Variants in ZMYM5 observed in about 807,000 individuals in gnomAD.
ZMYM5 encodes zinc finger MYM-type containing 5, also known as zinc finger MYM-type protein 5.
ZMYM5 carries 41 observed loss-of-function variants against 61.8 expected under a neutral mutation model. The observed-to-expected ratio is 0.66, with a 90% CI of 0.52 to 0.86. ZMYM5 has a LOEUF of 0.86. Ranked by LOEUF, ZMYM5 falls within the 40% of genes least tolerant of loss-of-function variation. The pLI, the probability that ZMYM5 is intolerant of heterozygous loss-of-function variation, is 0.00. For synonymous variants in ZMYM5, 257 were observed against 276.4 expected (o/e 0.93, Z 0.70); for missense variants, 706 against 786.7 (o/e 0.90, Z 1.23).
At chr13:19,860,910 C>T (rs1046525540) in intron 2 of ZMYM5, among the ~76,000 whole-genome samples, 35 of 148,842 alleles carry the variant, frequency 2.4e-4, no homozygotes, top group Non-Finnish European at 3.7e-4. Flanking sequence ...GTATCTCCCA[C>T]TAACTATATG....
At chr13:19,837,389 T>G (rs1343550615) in intron 6 of ZMYM5, 2 of 1,434,062 alleles carry the variant, frequency 1.4e-6, no homozygotes, top group Non-Finnish European at 1.8e-6. Context: ...TCATCAGTAA[T>G]AACAAAATCC....
intron 6 of ZMYM5, among the ~76,000 whole-genome samples, chr13:19,836,448 CT>C (rs1008828289): frequency 6.6e-5 from 10 of 151,338 alleles, no homozygotes; most frequent in East Asian, 1.9e-4. Context: ...GGTCAACAAT[CT>C]TTTTTTTTCT....
rs1349282191 is a variant in ZMYM5, at chr13:19,824,540, A to G, written c.1947T>C (p.Asp649=). The change falls in exon 8 of 8, where the codon GAT becomes GAC. Residue 649 remains aspartate (D), a synonymous_variant. Coordinates refer to ENST00000337963, the MANE Select transcript of ZMYM5 (RefSeq NM_001142684.2). ...TTTCATATAATCTGTGTTCTGCAGC[A>G]TCAATAGCTTTATTTTTTTTCAGAT... ...KSDLKKNKAI[D]AAEHRLYENE... 2 of 1,333,858 alleles carry G rather than the reference A, an allele frequency of 1.5e-6. No homozygotes were observed. The allele number at this position is 1,333,858 out of a possible 1,614,324, so 82.6% of individuals were successfully genotyped here. A position where few individuals can be genotyped will look rare whatever the true frequency, so the allele number is the denominator to read the frequency against.
At chr13:19,832,077 C>T (rs1331319176) in intron 7 of ZMYM5, among the ~76,000 whole-genome samples, 1 of 151,764 alleles carries the variant, frequency 6.6e-6, no homozygotes, top group African/African-American at 2.4e-5. Flanking sequence ...AGGCTGGTCT[C>T]GAACTTCTGA....
At chr13:19,842,960 CAAAAAAAAAAAAAA>C (rs753799756) in intron 4 of ZMYM5, among the ~76,000 whole-genome samples, 6 of 77,782 alleles carry the variant, frequency 7.7e-5, no homozygotes, top group Admixed American at 1.9e-4. Context: ...AACTCCATCT[CAAAAAAAAAAAAAA>C]AAAAAAAAAA....
intron 7 of ZMYM5, among the ~76,000 whole-genome samples, chr13:19,829,129 A>C (rs906864249): frequency 5.3e-5 from 8 of 152,106 alleles, no homozygotes; most frequent in African/African-American, 7.2e-5. Flanking sequence ...AACAAAAAAA[A>C]CCAGATACAT....
chr13:19,824,995 C>T lies in ZMYM5; in HGVS notation c.1492G>A (p.Asp498Asn), dbSNP rs1890840999. 7.3e-7 allele frequency: 1 copy of T among 1,367,362 alleles called. No homozygotes were observed. The highest frequency in any genetic ancestry group is 1.1e-5 in the South Asian group (1 of 87,958). The allele number at this position is 1,367,362 out of a possible 1,614,324, so 84.7% of individuals were successfully genotyped here. The stretch of plus-strand genomic sequence containing the variant: ...TCTTCCAGTTGCTCTTGAAATGTAT[C>T]AGCTATGGTTGACGTGGAAGAAGGA... ...LPPSSTSTIA[D>N]TFQEQLEEKN... The change falls in exon 8 of 8, where the codon GAT (aspartate) becomes AAT (asparagine). Residue 498 changes from aspartate (D) to asparagine (N), a missense_variant. Around this residue, in one of 2 missense-constraint regions of ZMYM5, gnomAD observed 226 missense variants for 325.0 expected, o/e 0.70. Transcript: ENST00000337963.
At position 19,848,993 on chromosome 13, in the gene ZMYM5, C is replaced by T. The variant is rs139965032; in HGVS notation, c.586+2362G>A. Among the ~76,000 whole-genome samples, 47 of 151,774 alleles carry T rather than the reference C, an allele frequency of 3.1e-4. 1 individual carries two copies. In the East Asian group the frequency reaches 9.1e-3, roughly 29 times the overall value. On this transcript the variant is annotated intron_variant, in intron 4 of 7. Transcript: ENST00000337963. ...ACCAAAAAAATTGAGAATAAGTACC[C>T]TATGGAAAAAATAAAAAATGTAAAC...
intron 4 of ZMYM5, among the ~76,000 whole-genome samples, chr13:19,844,597 G>C (rs1192375295): frequency 5.3e-5 from 8 of 152,176 alleles, no homozygotes; most frequent in Non-Finnish European, 8.8e-5. Flanking sequence ...AACACCTACT[G>C]TTAAGGAGTG....
intron 4 of ZMYM5, among the ~76,000 whole-genome samples, chr13:19,842,301 C>T (rs1478286810): frequency 6.6e-6 from 1 of 152,108 alleles, no homozygotes; most frequent in African/African-American, 2.4e-5. Flanking sequence ...ACCCATAAGA[C>T]CTAAATTTAA....
intron 4 of ZMYM5, among the ~76,000 whole-genome samples, chr13:19,850,126 C>T (rs1251866153): frequency 2.0e-5 from 3 of 152,058 alleles, no homozygotes; most frequent in African/African-American, 7.2e-5. Flanking sequence ...CTCCCCCAAA[C>T]CCCTCACAAG....
intron 2 of ZMYM5, among the ~76,000 whole-genome samples, chr13:19,856,073 A>G (rs1953496408): frequency 1.3e-5 from 2 of 152,062 alleles, no homozygotes; most frequent in African/African-American, 4.8e-5. Context: ...AAACTACTAA[A>G]AGCCATTGTG....
intron 4 of ZMYM5, among the ~76,000 whole-genome samples, chr13:19,843,861 GC>G (rs1952979699): frequency 1.3e-5 from 2 of 149,656 alleles, no homozygotes; most frequent in African/African-American, 4.9e-5. Context: ...GGGGCCAGGT[GC>G]GGTGGCTCAC....
chr13:19,854,869 T>G (rs948105255), intron 2 of ZMYM5, among the ~76,000 whole-genome samples: 2 of 152,194 alleles, frequency 1.3e-5, no homozygotes, highest in African/African-American at 4.8e-5. Context: ...CCAAGAAATC[T>G]GACTCTAAAA....
At chr13:19,835,980 C>A (rs1005293435) in intron 6 of ZMYM5, among the ~76,000 whole-genome samples, 1 of 152,058 alleles carries the variant, frequency 6.6e-6, no homozygotes, top group East Asian at 1.9e-4. Context: ...CCCGCCACCA[C>A]GCCCAGCTAA....
chr13:19,857,098 T>G (rs935376209), intron 2 of ZMYM5, among the ~76,000 whole-genome samples: 1 of 152,218 alleles, frequency 6.6e-6, no homozygotes, highest in Non-Finnish European at 1.5e-5. Context: ...AGAGCGAGAC[T>G]CCGTCTCAAA....
intron 7 of ZMYM5, among the ~76,000 whole-genome samples, chr13:19,827,564 G>GTTTATTAACATT (rs1382851037): frequency 1.3e-5 from 2 of 152,098 alleles, no homozygotes; most frequent in African/African-American, 4.8e-5. Context: ...TAGTATGTAT[G>GTTTATTAACATT]TTTATTAACA....
rs932804211 is a variant in ZMYM5 at position 19,828,681 on chromosome 13, G to A, written c.1252-3446C>T. Among the ~76,000 whole-genome samples the A allele has an allele frequency of 2.0e-5, 3 of 152,192 alleles. No homozygotes were observed. In the South Asian group the frequency reaches 6.2e-4, roughly 31 times the overall value. ...GATGTTAGCTATGTCTAGGATTATAGCAGTAGAGATAGGAGTTGAGAAGTG... is the reference window on the plus strand; with the variant it reads ...GATGTTAGCTATGTCTAGGATTATAACAGTAGAGATAGGAGTTGAGAAGTG... On this transcript the variant is annotated intron_variant, in intron 7 of 7. Coordinates refer to ENST00000337963, the MANE Select transcript of ZMYM5 (RefSeq NM_001142684.2).
chr13:19,851,524 T>G, intron 3 of ZMYM5, 76 bp from the exon 4 acceptor site: 1 of 1,570,730 alleles, frequency 6.4e-7, no homozygotes, highest in South Asian at 1.1e-5. Context: ...TAGCGACATC[T>G]CCCAAGTTGG....
Sources: gnomAD v4.1 joint callset for allele counts (sites outside exome capture counted in the v4.1 genomes callset) on GRCh38, gnomAD v4.1.1 for gene constraint, gnomAD v4.1.1 regional missense constraint, MANE v1.5 for transcripts, NCBI Gene and HGNC (gene_info 2026-07-23, HGNC 2026-07-21) for gene names.